The following RB1 variants were observed in gnomAD, a reference collection of about 807,000 sequenced individuals.
The protein encoded by RB1 is retinoblastoma-associated protein.
A neutral mutation model predicts 135.4 loss-of-function variants in RB1; 18 were observed. The ratio of observed to expected loss-of-function variants is 0.13; its 90% CI spans 0.09 to 0.20. RB1 has a LOEUF of 0.20. RB1 is among the 10% of genes least tolerant of loss of function. The pLI, the probability that RB1 is intolerant of heterozygous loss-of-function variation, is 1.00. For missense variants in RB1, 868 were observed against 1,110.0 expected (o/e 0.78, Z 3.10); for synonymous variants, 365 against 373.2 (o/e 0.98, Z 0.25).
intron 4 of RB1, among the ~76,000 whole-genome samples, chr13:48,347,526 A>G (rs1952508864): frequency 6.6e-6 from 1 of 152,128 alleles, no homozygotes; most frequent in Admixed American, 6.5e-5. Context: ...TTGACAAATC[A>G]TATGAGATAA....
At chr13:48,326,610 T>TA (rs1260210249) in intron 2 of RB1, among the ~76,000 whole-genome samples, 1 of 151,952 alleles carries the variant, frequency 6.6e-6, no homozygotes, top group Non-Finnish European at 1.5e-5. Context: ...AAGAGTTCTA[T>TA]ATACATTTCC....
intron 2 of RB1, among the ~76,000 whole-genome samples, chr13:48,320,958 A>T (rs1311729551): frequency 5.3e-5 from 8 of 152,200 alleles, no homozygotes; most frequent in Admixed American, 5.2e-4. Context: ...GCATAGATTT[A>T]TTCTTGACCT....
chr13:48,451,475 T>C (rs1419280995), intron 17 of RB1, among the ~76,000 whole-genome samples: 2 of 152,240 alleles, frequency 1.3e-5, no homozygotes, highest in Non-Finnish European at 2.9e-5. Context: ...GAAGCCAGCT[T>C]GATCATGGTA....
intron 17 of RB1, among the ~76,000 whole-genome samples, chr13:48,448,810 A>T (rs1949307127): frequency 6.6e-6 from 1 of 152,254 alleles, no homozygotes; most frequent in Non-Finnish European, 1.5e-5. Flanking sequence ...CATGTGATGT[A>T]TCATGTAATC....
At chr13:48,315,446 G>T (rs1952173818) in intron 2 of RB1, among the ~76,000 whole-genome samples, 1 of 152,156 alleles carries the variant, frequency 6.6e-6, no homozygotes, top group African/African-American at 2.4e-5. Flanking sequence ...GATTTTCTAG[G>T]TGTAAAATCA....
intron 2 of RB1, among the ~76,000 whole-genome samples, chr13:48,339,064 G>A (rs1229867196): frequency 6.6e-6 from 1 of 152,202 alleles, no homozygotes; most frequent in Non-Finnish European, 1.5e-5. Flanking sequence ...TCAGCTGCGT[G>A]TGGTGTTAGT....
At chr13:48,318,950 T>C in intron 2 of RB1, 3 of 932,462 alleles carry the variant, frequency 3.2e-6, no homozygotes, top group Admixed American at 3.4e-5. Context: ...GTTCAGGGAG[T>C]AGAAGCGTGG....
Position 48,448,813 on chromosome 13 carries a change from A to G in RB1, c.1696-4180A>G, listed in dbSNP as rs150437020. Among the ~76,000 whole-genome samples, 958 of 152,332 alleles carry G rather than the reference A, an allele frequency of 6.3e-3. 12 individuals are homozygous for G. The highest frequency in any genetic ancestry group is 0.022 in the African/African-American group (911 of 41,568). ...TTGAAGTCACTTCATGTGATGTATC[A>G]TGTAATCCTGCAAAATGAGTGCTGT... On this transcript the variant is annotated intron_variant, in intron 17 of 26. Transcript: ENST00000267163.
chr13:48,446,183 C>G (rs1949286204), intron 17 of RB1, among the ~76,000 whole-genome samples: 1 of 152,050 alleles, frequency 6.6e-6, no homozygotes, highest in South Asian at 2.1e-4. Context: ...GTCTTGAACT[C>G]CTGATCTCAG....
chr13:48,386,509 C>T lies in RB1; in HGVS notation c.1695+5066C>T, dbSNP rs78325344. On this transcript the variant is annotated intron_variant, in intron 17 of 26. Transcript: ENST00000267163. ...TATTGGTTGAGTTGTGAACTGAACC[C>T]GTCACTCTTTTCGTGAAACACATGT... Among the ~76,000 whole-genome samples, 998 of 152,188 alleles carry T rather than the reference C, an allele frequency of 6.6e-3. 15 individuals carry two copies. The highest frequency in any genetic ancestry group is 0.023 in the African/African-American group (947 of 41,524).
chr13:48,461,500 G>A (rs1949404905), intron 20 of RB1, among the ~76,000 whole-genome samples: 2 of 151,958 alleles, frequency 1.3e-5, no homozygotes. Context: ...ATTTCTCCTA[G>A]GTACATACCT....
chr13:48,371,738 T>G (rs1007168504), intron 11 of RB1, among the ~76,000 whole-genome samples: 2 of 151,990 alleles, frequency 1.3e-5, no homozygotes, highest in African/African-American at 2.4e-5. Flanking sequence ...GGCTGAAGCC[T>G]AAAGGATGCT....
At chr13:48,437,447 C>T (rs1451388002) in intron 17 of RB1, among the ~76,000 whole-genome samples, 1 of 152,182 alleles carries the variant, frequency 6.6e-6, no homozygotes, top group Non-Finnish European at 1.5e-5. Flanking sequence ...CACACAAATT[C>T]TGAAAGTCGG....
At chr13:48,368,395 A>C in intron 10 of RB1, 132 bp from the exon 11 acceptor site, 10 of 1,171,190 alleles carry the variant, frequency 8.5e-6, no homozygotes, top group South Asian at 1.5e-5. Flanking sequence ...TCTATTTTCT[A>C]TCCTATCTAT....
chr13:48,464,264 G>C (rs1318438827), intron 21 of RB1, among the ~76,000 whole-genome samples: 1 of 152,114 alleles, frequency 6.6e-6, no homozygotes, highest in Non-Finnish European at 1.5e-5. Flanking sequence ...TAGAGAAATA[G>C]TAGTAGTAAA....
At chr13:48,305,342 C>G (rs1952072055) in intron 1 of RB1, among the ~76,000 whole-genome samples, 1 of 152,094 alleles carries the variant, frequency 6.6e-6, no homozygotes, top group African/African-American at 2.4e-5. Context: ...AGTTAAAAAC[C>G]ATATTCGTTA....
At chr13:48,471,573 T>TTAAAAAAAAAAAAAAAAAAAAAAA (rs71072103) in intron 23 of RB1, among the ~76,000 whole-genome samples, 1 of 133,970 alleles carries the variant, frequency 7.5e-6, no homozygotes, top group Non-Finnish European at 1.6e-5. Context: ...AAAATATAAA[T>TTAAAAAAAAAAAAAAAAAAAAAAA]AAAAAAAAAA....
At chr13:48,309,810 CA>C (rs1952116270) in intron 2 of RB1, among the ~76,000 whole-genome samples, 1 of 152,052 alleles carries the variant, frequency 6.6e-6, no homozygotes, top group African/African-American at 2.4e-5. Flanking sequence ...TAAACTATAA[CA>C]ATAATAGTTT....
Position 48,303,836 on chromosome 13 carries a change from C to T in RB1, c.-77C>T, listed in dbSNP as rs2138026559. On this transcript the variant is annotated 5_prime_UTR_variant, in exon 1 of 27. Transcript: ENST00000267163. ...TAACGGGAGTCGGGAGAGGACGGGG[C>T]GTGCCCCGACGTGCGCGCGCGTCGT... The T allele has an allele frequency of 6.7e-7, 1 of 1,490,196 alleles. No homozygotes were observed. Among genetic ancestry groups the T allele is most frequent in the Non-Finnish European group, 8.9e-7 (1 of 1,126,766 alleles). 92.3% of individuals were successfully genotyped at this position (1,490,196 alleles called of 1,614,324 possible).
Sources: allele counts gnomAD v4.1 joint callset (sites outside exome capture counted in the v4.1 genomes callset), GRCh38; gene constraint gnomAD v4.1.1; transcripts MANE v1.5; gene names NCBI Gene and HGNC (gene_info 2026-07-23, HGNC 2026-07-21).